Variants in LTBP1 observed in about 807,000 individuals in gnomAD.
LTBP1 encodes latent transforming growth factor beta binding protein 1, also known as latent-transforming growth factor beta-binding protein 1.
Under a neutral mutation model 207.6 loss-of-function variants are expected in LTBP1, and 129 were observed. The ratio of observed to expected loss-of-function variants is 0.62; its 90% CI spans 0.54 to 0.72. The LOEUF is 0.72. Among genes scored for constraint, LTBP1 ranks in the 30% least tolerant of loss-of-function variants. The pLI, the probability that LTBP1 is intolerant of heterozygous loss-of-function variation, is 0.00. For missense variants in LTBP1, 2,281 were observed against 2,217.2 expected (o/e 1.03, Z -0.58); for synonymous variants, 963 against 833.7 (o/e 1.16, Z -2.67).
chr2:33,386,689 G>A (rs978796330), intron 31 of LTBP1, among the ~76,000 whole-genome samples: 9 of 152,188 alleles, frequency 5.9e-5, no homozygotes, highest in African/African-American at 2.2e-4. Context: ...GCCAGGTTTG[G>A]TAGCTCATGC....
In LTBP1 at chr2:33,110,650, C is replaced by A. The variant is rs747444314; in HGVS notation, c.932C>A (p.Pro311His). ...HGQTQEYVLK[P>H]KYFPAQKGIS... ...CAGACCCAGGAATACGTGCTCAAGC[C>A]CAAGTACTTTCCAGCCCAGAAGGGG... The change falls in exon 4 of 34, where the codon CCC (proline) becomes CAC (histidine). Residue 311 changes from proline to histidine, a missense_variant. Transcript: ENST00000404816. 3 of 1,614,060 alleles carry A rather than the reference C, an allele frequency of 1.9e-6. No homozygotes were observed. The African/African-American group carries it at 4.0e-5, about 22-fold the overall frequency.
chr2:33,143,307 C>G (rs1481425016), intron 5 of LTBP1, among the ~76,000 whole-genome samples: 1 of 152,198 alleles, frequency 6.6e-6, no homozygotes, highest in Non-Finnish European at 1.5e-5. Flanking sequence ...AAAGACTTGT[C>G]CACTCCATCT....
intron 9 of LTBP1, among the ~76,000 whole-genome samples, chr2:33,224,671 TAGAA>T (rs567885075): frequency 6.9e-4 from 105 of 152,174 alleles, no homozygotes; most frequent in Non-Finnish European, 1.2e-3. Flanking sequence ...TGTATTACCT[TAGAA>T]AGTGTCATTT....
At chr2:33,128,016 A>C (rs1450143198) in intron 4 of LTBP1, among the ~76,000 whole-genome samples, 1 of 152,158 alleles carries the variant, frequency 6.6e-6, no homozygotes, top group East Asian at 1.9e-4. Flanking sequence ...TATTTGTCAT[A>C]ACAATGATAT....
chr2:33,232,671 T>G (rs948302798), intron 9 of LTBP1, among the ~76,000 whole-genome samples: 11 of 152,180 alleles, frequency 7.2e-5, no homozygotes, highest in Admixed American at 5.9e-4. Flanking sequence ...CAAATAGGTT[T>G]TTAAAGTAAG....
At chr2:33,229,380 A>C (rs1274439695) in intron 9 of LTBP1, among the ~76,000 whole-genome samples, 1 of 152,106 alleles carries the variant, frequency 6.6e-6, no homozygotes, top group East Asian at 1.9e-4. Flanking sequence ...AAGCTGAGGC[A>C]GAAGGGTTGC....
Position 32,948,962 on chromosome 2 carries a change from A to T in LTBP1, c.565+17A>T. On this transcript the variant is annotated intron_variant, in intron 2 of 33. Coordinates refer to ENST00000404816, the MANE Select transcript of LTBP1 (RefSeq NM_206943.4). ...GCACCAAACGTAAGTTGCCATGTTC[A>T]CAGTGGCCCTGCACAGTAGGCAAAG... is the stretch of plus-strand genomic sequence containing the variant. The T allele has an allele frequency of 6.2e-7, 1 of 1,613,990 alleles. No individual in the cohort carries two copies. Among genetic ancestry groups the T allele is most frequent in the Non-Finnish European group, 8.5e-7 (1 of 1,179,876 alleles).
chr2:33,178,872 T>A (rs1558762318), intron 5 of LTBP1, among the ~76,000 whole-genome samples: 2 of 152,178 alleles, frequency 1.3e-5, no homozygotes, highest in African/African-American at 2.4e-5. Flanking sequence ...TTAATTAGTA[T>A]GTTTCTACAT....
At chr2:33,198,489 G>C (rs1467933997) in intron 7 of LTBP1, among the ~76,000 whole-genome samples, 1 of 152,106 alleles carries the variant, frequency 6.6e-6, no homozygotes, top group African/African-American at 2.4e-5. Flanking sequence ...GTTCCTCCTT[G>C]TACCTCTGGT....
At chr2:33,356,713 A>G (rs1351849602) in intron 26 of LTBP1, among the ~76,000 whole-genome samples, 1 of 152,236 alleles carries the variant, frequency 6.6e-6, no homozygotes, top group African/African-American at 2.4e-5. Flanking sequence ...AACTCGAAAC[A>G]AGGCATATGA....
Position 33,293,250 on chromosome 2 carries a change from A to G in LTBP1, c.3203A>G (p.Tyr1068Cys). The change falls in exon 20 of 34, where the codon TAT (tyrosine) becomes TGT (cysteine). Residue 1068 changes from tyrosine (Y) to cysteine (C), a missense_variant. By Grantham distance (194) the Tyr-to-Cys change is radical. Transcript: ENST00000404816. ...TACATGTGTTCATGCCACAAAGGCT[A>G]TACCCGGACTCCGGACCACAAGCAC... ...GSYMCSCHKG[Y>C]TRTPDHKHCR... 2 of 1,614,032 alleles carry G rather than the reference A, an allele frequency of 1.2e-6. No homozygotes were observed. Among genetic ancestry groups the G allele is most frequent in the Non-Finnish European group, 1.7e-6 (2 of 1,179,972 alleles).
chr2:33,280,180 T>C (rs367827445), intron 19 of LTBP1, 22 bp downstream of exon 19: 5 of 1,593,240 alleles, frequency 3.1e-6, no homozygotes, highest in Middle Eastern at 1.7e-4. Context: ...AGTGTACTTA[T>C]CAAAGATTTG....
At chr2:33,241,325 CTA>C (rs1414687743) in intron 9 of LTBP1, among the ~76,000 whole-genome samples, 1 of 152,204 alleles carries the variant, frequency 6.6e-6, no homozygotes, top group African/African-American at 2.4e-5. Context: ...TTCTTCCTGT[CTA>C]TACCTGATAG....
At chr2:33,090,913 A>T (rs1050758429) in intron 3 of LTBP1, among the ~76,000 whole-genome samples, 1 of 152,234 alleles carries the variant, frequency 6.6e-6, no homozygotes, top group African/African-American at 2.4e-5. Flanking sequence ...CTTGGCTAGC[A>T]GTTGGGGCAG....
At chr2:33,160,258 A>G (rs111504840) in intron 5 of LTBP1, among the ~76,000 whole-genome samples, 35 of 152,346 alleles carry the variant, frequency 2.3e-4, no homozygotes, top group African/African-American at 8.2e-4. Context: ...CCATTTCTGT[A>G]GCCACGAAGA....
intron 5 of LTBP1, among the ~76,000 whole-genome samples, chr2:33,168,905 T>C (rs1020635645): frequency 6.6e-6 from 1 of 152,206 alleles, no homozygotes; most frequent in Admixed American, 6.5e-5. Flanking sequence ...GACAGTTTGC[T>C]ACTCAGAAGA....
intron 7 of LTBP1, among the ~76,000 whole-genome samples, chr2:33,193,146 T>C (rs936661965): frequency 6.6e-6 from 1 of 152,162 alleles, no homozygotes; most frequent in East Asian, 1.9e-4. Context: ...TATTCTTTTT[T>C]GTTTGTTTGT....
intron 5 of LTBP1, among the ~76,000 whole-genome samples, chr2:33,164,054 A>T (rs1206111400): frequency 6.6e-6 from 1 of 152,082 alleles, no homozygotes; most frequent in Non-Finnish European, 1.5e-5. Context: ...TTGTTCATTA[A>T]GATTAAGAAT....
intron 9 of LTBP1, among the ~76,000 whole-genome samples, chr2:33,224,104 C>A (rs1341956451): frequency 1.3e-5 from 2 of 152,124 alleles, no homozygotes; most frequent in Non-Finnish European, 2.9e-5. Flanking sequence ...GGCCATCTAA[C>A]CTTATATGCT....
Sources: gnomAD v4.1 joint callset for allele counts (sites outside exome capture counted in the v4.1 genomes callset) on GRCh38, gnomAD v4.1.1 for gene constraint, MANE v1.5 for transcripts, NCBI Gene and HGNC (gene_info 2026-07-23, HGNC 2026-07-21) for gene names.